The following NELL1 variants were observed in gnomAD, a reference collection of about 807,000 sequenced individuals.
The protein encoded by NELL1 is neural EGFL like 1.
In NELL1, 76 loss-of-function variants were observed where a neutral mutation model predicts 107.4. The ratio of observed to expected loss-of-function variants is 0.71; its 90% CI spans 0.59 to 0.86. The LOEUF (loss-of-function observed/expected upper bound fraction) is 0.86. Among genes scored for constraint, NELL1 ranks in the 40% least tolerant of loss-of-function variants. The pLI is 0.00. For synonymous variants in NELL1, 353 were observed against 341.2 expected (o/e 1.03, Z -0.38); for missense variants, 1,024 against 1,005.5 (o/e 1.02, Z -0.25).
At chr11:21,556,128 T>C (rs2133996051) in intron 16 of NELL1, among the ~76,000 whole-genome samples, 1 of 152,060 alleles carries the variant, frequency 6.6e-6, no homozygotes, top group East Asian at 1.9e-4. Flanking sequence ...CTTTAGATAT[T>C]GGAGAGGGAT....
chr11:21,394,896 A>G (rs1269859892), intron 15 of NELL1, among the ~76,000 whole-genome samples: 3 of 151,498 alleles, frequency 2.0e-5, no homozygotes, highest in South Asian at 2.1e-4. Context: ...AAGTTCTCCT[A>G]CCCAGAAGGA....
rs944361011 is a variant in NELL1, at chr11:20,749,483, C to G, written c.185-34197C>G. 6.6e-5 allele frequency among the ~76,000 whole-genome samples: 10 copies of G among 151,984 alleles called. No individual in the cohort carries two copies. In the East Asian group the frequency reaches 7.8e-4, roughly 12 times the overall value. On this transcript the variant is annotated intron_variant, in intron 2 of 19. Transcript: ENST00000357134. ...AGGCATAGTGGTATGTGCTTGTGGA[C>G]CAAGCTACTTGGGAGGCTGAGGTAG...
intron 12 of NELL1, among the ~76,000 whole-genome samples, chr11:21,031,771 G>A (rs1462837211): frequency 2.0e-5 from 3 of 151,932 alleles, no homozygotes; most frequent in East Asian, 1.9e-4. Flanking sequence ...AAATTGGGCC[G>A]GGCATGGTGG....
chr11:20,900,038 T>C (rs2134130391), intron 5 of NELL1, among the ~76,000 whole-genome samples: 1 of 152,292 alleles, frequency 6.6e-6, no homozygotes, highest in East Asian at 1.9e-4. Context: ...CCTCACAATT[T>C]TGTGCATTAG....
intron 14 of NELL1, among the ~76,000 whole-genome samples, chr11:21,344,613 T>A (rs1295737958): frequency 6.6e-6 from 1 of 152,154 alleles, no homozygotes; most frequent in Admixed American, 6.5e-5. Context: ...ATAGATGGTA[T>A]AAAGAGGAAA....
At chr11:20,901,185 A>G (rs1016191709) in intron 5 of NELL1, among the ~76,000 whole-genome samples, 9 of 152,120 alleles carry the variant, frequency 5.9e-5, no homozygotes, top group Non-Finnish European at 1.2e-4. Context: ...TATATTGCCT[A>G]TATATAAAAA....
At chr11:20,758,999 T>C (rs1211401814) in intron 2 of NELL1, among the ~76,000 whole-genome samples, 1 of 152,206 alleles carries the variant, frequency 6.6e-6, no homozygotes, top group African/African-American at 2.4e-5. Flanking sequence ...GAGCCTACCA[T>C]ATACCACGAA....
chr11:21,164,640 T>G (rs939376275), intron 13 of NELL1, among the ~76,000 whole-genome samples: 1 of 152,174 alleles, frequency 6.6e-6, no homozygotes, highest in Admixed American at 6.5e-5. Context: ...ATAAAATGCA[T>G]TAGTTGTTTT....
chr11:20,774,396 CCTTT>C (rs1291970812), intron 2 of NELL1, among the ~76,000 whole-genome samples: 2 of 144,156 alleles, frequency 1.4e-5, no homozygotes, highest in Non-Finnish European at 3.0e-5. Flanking sequence ...CTTTTCTTTT[CCTTT>C]CTTTCTTCTT....
intron 14 of NELL1, among the ~76,000 whole-genome samples, chr11:21,361,904 A>G (rs940382922): frequency 6.6e-6 from 1 of 151,706 alleles, no homozygotes; most frequent in Non-Finnish European, 1.5e-5. Flanking sequence ...ACTGTTTTTT[A>G]ATTTCTTTAA....
At chr11:21,278,231 G>A (rs1443668940) in intron 14 of NELL1, among the ~76,000 whole-genome samples, 1 of 152,014 alleles carries the variant, frequency 6.6e-6, no homozygotes, top group Non-Finnish European at 1.5e-5. Flanking sequence ...TTAGGAAGAA[G>A]GCAAGTATAT....
chr11:20,723,598 T>C lies in NELL1; in HGVS notation c.184+45538T>C, dbSNP rs1590234631. On this transcript the variant is annotated intron_variant, in intron 2 of 19. Transcript: ENST00000357134. ...GGTACAGCCCCCAGAGCTGCTTTCATAGGTTGGTGTTGAGTGCCTGTGGCT... is the reference window on the plus strand; with the variant it reads ...GGTACAGCCCCCAGAGCTGCTTTCACAGGTTGGTGTTGAGTGCCTGTGGCT... 2.0e-5 allele frequency among the ~76,000 whole-genome samples: 3 copies of C among 152,284 alleles called. No individual in the cohort carries two copies. In the East Asian group the frequency reaches 5.8e-4, roughly 30 times the overall value.
intron 12 of NELL1, among the ~76,000 whole-genome samples, chr11:21,014,901 G>A (rs1483584392): frequency 6.6e-6 from 1 of 152,070 alleles, no homozygotes; most frequent in Non-Finnish European, 1.5e-5. Flanking sequence ...AAGTACTTCT[G>A]AGAAAAATAG....
intron 15 of NELL1, among the ~76,000 whole-genome samples, chr11:21,416,157 C>G (rs1042235151): frequency 6.6e-6 from 1 of 152,046 alleles, no homozygotes; most frequent in African/African-American, 2.4e-5. Context: ...GTGCTGAGAG[C>G]AAAGATTGTT....
intron 13 of NELL1, among the ~76,000 whole-genome samples, chr11:21,122,034 A>G (rs1855379203): frequency 6.6e-6 from 1 of 152,194 alleles, no homozygotes; most frequent in African/African-American, 2.4e-5. Flanking sequence ...AGTCTGAAAG[A>G]CATGTCTAGT....
intron 13 of NELL1, among the ~76,000 whole-genome samples, chr11:21,131,724 C>T (rs1326204264): frequency 1.3e-5 from 2 of 151,862 alleles, no homozygotes; most frequent in Admixed American, 6.6e-5. Context: ...TGTAAGGGTC[C>T]CTTTTAGTTT....
At chr11:21,166,952 C>G (rs1031996634) in intron 13 of NELL1, among the ~76,000 whole-genome samples, 1 of 151,748 alleles carries the variant, frequency 6.6e-6, no homozygotes, top group Admixed American at 6.6e-5. Context: ...TTTCTTTGTT[C>G]GTAGGATAAA....
At chr11:21,560,085 G>C in intron 16 of NELL1, 104 bp from the exon 17 acceptor site, 1 of 1,084,828 alleles carries the variant, frequency 9.2e-7, no homozygotes, top group Non-Finnish European at 1.4e-6. Flanking sequence ...CCTAGCACAA[G>C]GTAAATGGTC....
intron 12 of NELL1, among the ~76,000 whole-genome samples, chr11:21,062,063 AG>A (rs1301796939): frequency 4.6e-5 from 7 of 152,182 alleles, no homozygotes; most frequent in Non-Finnish European, 8.8e-5. Flanking sequence ...TCAAATGTTT[AG>A]AACTATGCAT....
Sources: allele counts gnomAD v4.1 joint callset (sites outside exome capture counted in the v4.1 genomes callset), GRCh38; gene constraint gnomAD v4.1.1; transcripts MANE v1.5; gene names NCBI Gene and HGNC (gene_info 2026-07-23, HGNC 2026-07-21).